CPA6: variants seen among roughly 807,000 people sequenced by gnomAD.
The protein encoded by CPA6 is carboxypeptidase A6.
Under a neutral mutation model 63.3 loss-of-function variants are expected in CPA6, and 58 were observed. The observed-to-expected ratio is 0.92, with a 90% CI of 0.74 to 1.14. The LOEUF is 1.14. Ranked by LOEUF, CPA6 falls within the 50% of genes most tolerant of loss-of-function variation. The probability of loss-of-function intolerance (pLI) is 0.00; values close to 1 mark genes in which losing one functional copy is unlikely to be tolerated. For synonymous variants in CPA6, 185 were observed against 179.0 expected, an observed-to-expected ratio of 1.03 and a Z score of -0.27; for missense variants, 565 against 526.6, an observed-to-expected ratio of 1.07 and a Z score of -0.71.
rs773789263 is a variant in CPA6 at position 67,746,173 on chromosome 8, C to G, written c.-44G>C. The G allele has an allele frequency of 2.0e-6, 3 of 1,485,768 alleles. No homozygotes were observed. Among genetic ancestry groups the G allele is most frequent in the South Asian group, 1.2e-5 (1 of 82,324 alleles). The allele number at this position is 1,485,768 out of a possible 1,614,324, so 92.0% of individuals were successfully genotyped here. ...GTTGAAAGTTACTTAAGCAGCCACC[C>G]GAGGCTGGAGGTGGCTCACAGCACC... On this transcript the variant is annotated 5_prime_UTR_variant, in exon 1 of 11. Coordinates refer to ENST00000297770, the MANE Select transcript of CPA6 (RefSeq NM_020361.5).
chr8:67,657,262 A>AG (rs1296025027), intron 1 of CPA6, among the ~76,000 whole-genome samples: 1 of 152,212 alleles, frequency 6.6e-6, no homozygotes, highest in Non-Finnish European at 1.5e-5. Context: ...CTTGATAGGA[A>AG]GTCCTTCGTG....
At chr8:67,707,764 T>C (rs1391394162) in intron 1 of CPA6, among the ~76,000 whole-genome samples, 1 of 151,942 alleles carries the variant, frequency 6.6e-6, no homozygotes, top group African/African-American at 2.4e-5. Flanking sequence ...AAAAATTAGC[T>C]GGGCATTGTG....
Position 67,511,639 on chromosome 8 carries a change from G to A in CPA6, c.334C>T (p.Leu112Phe). The change falls in exon 4 of 11, where the codon CTT (leucine) becomes TTT (phenylalanine). Residue 112 changes from leucine (L) to phenylalanine (F), a missense_variant. By Grantham distance (22) the Leu-to-Phe change is conservative. Transcript: ENST00000297770. ...CTTCCCTTCTCCAGTGTTTTCTGAA[G>A]ATCTTCTATGAGGACCCTGAATTTG... is the stretch of plus-strand genomic sequence containing the variant. ...NIQYKVLIED[L>F]QKTLEKGSSL... 6.2e-7 allele frequency: 1 copy of A among 1,604,840 alleles called. No homozygotes were observed. The highest frequency in any genetic ancestry group is 1.3e-5 in the African/African-American group (1 of 74,804).
At chr8:67,549,335 A>T (rs550180296) in intron 2 of CPA6, among the ~76,000 whole-genome samples, 1 of 152,300 alleles carries the variant, frequency 6.6e-6, no homozygotes, top group South Asian at 2.1e-4. Context: ...TTACTTGTAG[A>T]ATCATTTATT....
At chr8:67,632,750 A>G (rs1229721752) in intron 1 of CPA6, among the ~76,000 whole-genome samples, 1 of 152,196 alleles carries the variant, frequency 6.6e-6, no homozygotes, top group Non-Finnish European at 1.5e-5. Flanking sequence ...TTTGGGTGGG[A>G]AGAATTATTT....
chr8:67,601,075 A>G (rs996598113), intron 2 of CPA6, among the ~76,000 whole-genome samples: 4 of 152,228 alleles, frequency 2.6e-5, no homozygotes, highest in Non-Finnish European at 5.9e-5. Context: ...CATCTGTGAC[A>G]TAATTTACAG....
intron 1 of CPA6, among the ~76,000 whole-genome samples, chr8:67,640,297 G>A (rs780270211): frequency 6.6e-6 from 1 of 151,124 alleles, no homozygotes; most frequent in Non-Finnish European, 1.5e-5. Context: ...GTGCCAAGGG[G>A]TGCCTGCAGG....
intron 8 of CPA6, among the ~76,000 whole-genome samples, chr8:67,475,767 C>CTCTT (rs71253008): frequency 0.061 from 4,356 of 71,336 alleles, 365 homozygotes; most frequent in Non-Finnish European, 0.073. Flanking sequence ...TTCTTTCTTT[C>CTCTT]TCTTTCTTTC....
intron 3 of CPA6, among the ~76,000 whole-genome samples, chr8:67,517,037 T>A (rs749335557): frequency 6.6e-6 from 1 of 152,120 alleles, no homozygotes; most frequent in Non-Finnish European, 1.5e-5. Context: ...CCTCAGGTGA[T>A]CTGACCACCT....
At chr8:67,718,708 G>T (rs745932528) in intron 1 of CPA6, among the ~76,000 whole-genome samples, 3 of 150,916 alleles carry the variant, frequency 2.0e-5, no homozygotes, top group Admixed American at 2.0e-4. Flanking sequence ...GTGCAGTGGC[G>T]TGATCTCAGC....
At chr8:67,675,190 G>A (rs1237790104) in intron 1 of CPA6, among the ~76,000 whole-genome samples, 1 of 152,104 alleles carries the variant, frequency 6.6e-6, no homozygotes, top group Admixed American at 6.6e-5. Context: ...TAAATAAAGA[G>A]TTGAAATTCT....
At chr8:67,562,789 C>T (rs1404165292) in intron 2 of CPA6, among the ~76,000 whole-genome samples, 1 of 152,212 alleles carries the variant, frequency 6.6e-6, no homozygotes, top group East Asian at 1.9e-4. Context: ...GATGTTGAAT[C>T]TGTTGGCACC....
chr8:67,581,982 C>A (rs1371454167), intron 2 of CPA6, among the ~76,000 whole-genome samples: 1 of 151,806 alleles, frequency 6.6e-6, no homozygotes, highest in Non-Finnish European at 1.5e-5. Flanking sequence ...GGAGGTCAAG[C>A]AAAAATAGTA....
At chr8:67,592,668 T>C (rs2128981308) in intron 2 of CPA6, among the ~76,000 whole-genome samples, 1 of 152,226 alleles carries the variant, frequency 6.6e-6, no homozygotes, top group Middle Eastern at 3.4e-3. Flanking sequence ...TTCTAGTTTA[T>C]TTGCGTAGAG....
intron 2 of CPA6, among the ~76,000 whole-genome samples, chr8:67,596,546 A>G (rs1182685522): frequency 7.7e-6 from 1 of 130,348 alleles, no homozygotes; most frequent in East Asian, 2.2e-4. Context: ...TTTTTTTTTT[A>G]CTCTACTTTG....
chr8:67,704,053 C>T lies in CPA6; in HGVS notation c.116+41961G>A, dbSNP rs144356852. 3.2e-4 allele frequency among the ~76,000 whole-genome samples: 48 copies of T among 152,284 alleles called. No homozygotes were observed. The East Asian group carries it at 8.9e-3, about 28-fold the overall frequency. ...GCCCCTTATCCTCCTCCAGAGGTTCCTCCTTTATGTCAGGTGGGCAAATAA... is the reference window on the plus strand; with the variant it reads ...GCCCCTTATCCTCCTCCAGAGGTTCTTCCTTTATGTCAGGTGGGCAAATAA... On this transcript the variant is annotated intron_variant, in intron 1 of 10. Coordinates refer to ENST00000297770, the MANE Select transcript of CPA6 (RefSeq NM_020361.5).
At chr8:67,543,774 C>CTATTATTCTTATTAT (rs1812755782) in intron 2 of CPA6, among the ~76,000 whole-genome samples, 1 of 146,798 alleles carries the variant, frequency 6.8e-6, no homozygotes, top group Non-Finnish European at 1.5e-5. Flanking sequence ...TCCCCCTCCA[C>CTATTATTCTTATTAT]TATTATTATT....
chr8:67,609,042 G>A (rs1201537756), intron 2 of CPA6, among the ~76,000 whole-genome samples: 1 of 152,220 alleles, frequency 6.6e-6, no homozygotes, highest in African/African-American at 2.4e-5. Context: ...ATGCCAGCTT[G>A]TACATGTGTC....
chr8:67,493,002 A>T (rs1056924911), intron 6 of CPA6, among the ~76,000 whole-genome samples: 1 of 152,206 alleles, frequency 6.6e-6, no homozygotes, highest in South Asian at 2.1e-4. Context: ...CCAAAATATC[A>T]TAATTACTCA....
Sources: gnomAD v4.1 joint callset for allele counts (sites outside exome capture counted in the v4.1 genomes callset) on GRCh38, gnomAD v4.1.1 for gene constraint, MANE v1.5 for transcripts, NCBI Gene and HGNC (gene_info 2026-07-23, HGNC 2026-07-21) for gene names.